Variants in PRKN observed in about 807,000 individuals in gnomAD.
The protein encoded by PRKN is parkin RBR E3 ubiquitin protein ligase.
In PRKN, 56 loss-of-function variants were observed where a neutral mutation model predicts 59.5. The ratio of observed to expected loss-of-function variants is 0.94; its 90% CI spans 0.76 to 1.18. PRKN has a LOEUF of 1.18. Ranked by LOEUF, PRKN falls within the 50% of genes most tolerant of loss-of-function variation. The pLI, the probability that PRKN is intolerant of heterozygous loss-of-function variation, is 0.00. For missense variants in PRKN, 657 were observed against 596.4 expected (o/e 1.10, Z -1.06); for synonymous variants, 250 against 222.1 (o/e 1.13, Z -1.12).
chr6:162,568,949 G>A, intron 1 of PRKN: 1 of 665,806 alleles, frequency 1.5e-6, no homozygotes, highest in Non-Finnish European at 2.7e-6. Context: ...TGTAGTCTCA[G>A]CTGGAAGGGC....
chr6:162,559,253 G>A (rs1431352070), intron 1 of PRKN, among the ~76,000 whole-genome samples: 3 of 140,074 alleles, frequency 2.1e-5, no homozygotes, highest in South Asian at 2.5e-4. Flanking sequence ...TGAAAACTAC[G>A]ACTATTTGTA....
At chr6:162,671,370 G>A (rs111291291) in intron 1 of PRKN, among the ~76,000 whole-genome samples, 8 of 151,888 alleles carry the variant, frequency 5.3e-5, no homozygotes, top group East Asian at 1.9e-4. Context: ...GTGGTGGCGC[G>A]CGCCTGTAGT....
intron 7 of PRKN, among the ~76,000 whole-genome samples, chr6:161,652,224 A>G (rs1026596412): frequency 6.6e-6 from 1 of 152,354 alleles, no homozygotes; most frequent in African/African-American, 2.4e-5. Context: ...TTACACATGT[A>G]TATCTAAAGA....
chr6:162,652,253 C>A (rs1471319153), intron 1 of PRKN, among the ~76,000 whole-genome samples: 1 of 152,134 alleles, frequency 6.6e-6, no homozygotes, highest in Non-Finnish European at 1.5e-5. Context: ...AAAGCTGGAT[C>A]CTAAGGACAC....
chr6:162,716,808 AGACT>A (rs1778747929), intron 1 of PRKN, among the ~76,000 whole-genome samples: 1 of 151,652 alleles, frequency 6.6e-6, no homozygotes, highest in Non-Finnish European at 1.5e-5. Flanking sequence ...ACACACACAC[AGACT>A]CCTCATGTGT....
intron 9 of PRKN, among the ~76,000 whole-genome samples, chr6:161,500,418 A>C (rs1337089381): frequency 6.6e-6 from 1 of 152,254 alleles, no homozygotes; most frequent in Non-Finnish European, 1.5e-5. Context: ...ATTATACAAA[A>C]GAGTTTCATG....
chr6:162,699,620 G>T (rs142682201), intron 1 of PRKN, among the ~76,000 whole-genome samples: 1 of 152,216 alleles, frequency 6.6e-6, no homozygotes, highest in African/African-American at 2.4e-5. Flanking sequence ...CTAATTTTAA[G>T]AATAAAAGTG....
At chr6:162,416,183 G>A (rs1210819222) in intron 2 of PRKN, among the ~76,000 whole-genome samples, 1 of 152,054 alleles carries the variant, frequency 6.6e-6, no homozygotes, top group Non-Finnish European at 1.5e-5. Flanking sequence ...AAATTGTCGA[G>A]GGTGAGTATT....
chr6:161,998,225 T>C lies in PRKN; in HGVS notation c.619-24808A>G, dbSNP rs568612053. 2.0e-5 allele frequency among the ~76,000 whole-genome samples: 3 copies of C among 152,100 alleles called. No individual in the cohort carries two copies. The South Asian group carries it at 6.2e-4, about 32-fold the overall frequency. On this transcript the variant is annotated intron_variant, in intron 5 of 11. Coordinates refer to ENST00000366898, the MANE Select transcript of PRKN (RefSeq NM_004562.3). ...AGTCTATGAATATGAGAATAATGAGTTGACTATTTTCAGCCCATTTATCAG... is the reference window on the plus strand; with the variant it reads ...AGTCTATGAATATGAGAATAATGAGCTGACTATTTTCAGCCCATTTATCAG...
At chr6:162,283,536 A>G (rs1329933332) in intron 2 of PRKN, among the ~76,000 whole-genome samples, 1 of 152,142 alleles carries the variant, frequency 6.6e-6, no homozygotes, top group African/African-American at 2.4e-5. Flanking sequence ...GAGTGAAAAA[A>G]TCCTTAGAAC....
chr6:162,409,628 G>C (rs771702741), intron 2 of PRKN, among the ~76,000 whole-genome samples: 2 of 152,112 alleles, frequency 1.3e-5, no homozygotes, highest in Admixed American at 6.5e-5. Flanking sequence ...AACGTATTCA[G>C]TATTTTATCA....
chr6:162,354,915 A>G (rs189452201), intron 2 of PRKN, among the ~76,000 whole-genome samples: 196 of 152,130 alleles, frequency 1.3e-3, no homozygotes, highest in African/African-American at 4.5e-3. Flanking sequence ...TATCATATGA[A>G]AGGTTTTTTT....
Position 162,262,743 on chromosome 6 carries a change from C to T in PRKN, c.194G>A (p.Ser65Asn), listed in dbSNP as rs754604402. 8 of 1,605,618 alleles carry T rather than the reference C, an allele frequency of 5.0e-6. No homozygotes were observed. The highest frequency in any genetic ancestry group is 6.8e-6 in the Non-Finnish European group (8 of 1,178,556). ...TVQNCDLDQQ[S>N]IVHIVQRPWR... is the part of the protein sequence containing the mutation. ...CGGTCTCTGCACAATGTGAACAATG[C>T]TCTGCTGATCCAGGTCACAATTCTG... The change falls in exon 3 of 12, where the codon AGC becomes AAC. Residue 65 changes from serine (S) to asparagine (N), a missense_variant. Physicochemically the swap from Ser to Asn is conservative, Grantham distance 46. Transcript: ENST00000366898.
intron 7 of PRKN, among the ~76,000 whole-genome samples, chr6:161,733,959 TAC>T (rs10597403): frequency 0.011 from 1,505 of 133,614 alleles, 15 homozygotes; most frequent in East Asian, 0.015. Flanking sequence ...AAAATTCATT[TAC>T]ACACACACAC....
At chr6:161,897,565 C>T (rs188518838) in intron 6 of PRKN, among the ~76,000 whole-genome samples, 1 of 152,172 alleles carries the variant, frequency 6.6e-6, no homozygotes, top group East Asian at 1.9e-4. Context: ...TGATAAATAA[C>T]AGATGTGGGT....
chr6:161,416,311 C>T (rs997429403), intron 9 of PRKN, among the ~76,000 whole-genome samples: 3 of 152,036 alleles, frequency 2.0e-5, no homozygotes, highest in East Asian at 1.9e-4. Context: ...AGCTTGATGA[C>T]GGATTGGGCT....
chr6:162,579,297 A>G (rs1003849417), intron 1 of PRKN, among the ~76,000 whole-genome samples: 5 of 152,128 alleles, frequency 3.3e-5, no homozygotes, highest in Admixed American at 6.6e-5. Flanking sequence ...GCAAATACTC[A>G]GACCCAATAC....
At chr6:162,470,515 C>G (rs901133400) in intron 1 of PRKN, among the ~76,000 whole-genome samples, 1 of 151,896 alleles carries the variant, frequency 6.6e-6, no homozygotes, top group African/African-American at 2.4e-5. Flanking sequence ...CGCTTGAACC[C>G]GGGAGGCGGA....
chr6:161,426,676 C>CACACACACACA (rs11271613), intron 9 of PRKN, among the ~76,000 whole-genome samples: 1 of 142,678 alleles, frequency 7.0e-6, no homozygotes, highest in Admixed American at 7.0e-5. Context: ...CACACACACA[C>CACACACACACA]CTCCTATTAG....
Sources: gnomAD v4.1 joint callset for allele counts (sites outside exome capture counted in the v4.1 genomes callset) on GRCh38, gnomAD v4.1.1 for gene constraint, MANE v1.5 for transcripts, NCBI Gene and HGNC (gene_info 2026-07-23, HGNC 2026-07-21) for gene names.